The following MYO5B variants were observed in gnomAD, a reference collection of about 807,000 sequenced individuals.
MYO5B encodes the protein myosin VB.
In MYO5B, 143 loss-of-function variants were observed where a neutral mutation model predicts 229.3. That is an observed-to-expected ratio of 0.62 (90% confidence interval 0.54 to 0.72). The LOEUF (loss-of-function observed/expected upper bound fraction) is 0.72, where lower values mean the gene tolerates loss of function less well. Ranked by LOEUF, MYO5B falls within the 30% of genes least tolerant of loss-of-function variation. The pLI is 0.00. For missense variants in MYO5B, 2,321 were observed against 2,331.0 expected (o/e 1.00, Z 0.09); for synonymous variants, 918 against 885.2 (o/e 1.04, Z -0.66).
At chr18:49,921,698 A>C (rs2025077483) in intron 17 of MYO5B, among the ~76,000 whole-genome samples, 1 of 152,050 alleles carries the variant, frequency 6.6e-6, no homozygotes, top group Non-Finnish European at 1.5e-5. Context: ...GGATTTTATT[A>C]ATTTGGGGAA....
At chr18:50,177,252 C>T (rs1420118193) in intron 1 of MYO5B, among the ~76,000 whole-genome samples, 1 of 152,044 alleles carries the variant, frequency 6.6e-6, no homozygotes, top group East Asian at 1.9e-4. Context: ...GCAGAGGCAG[C>T]CCTGAAGATT....
At chr18:50,082,873 T>C (rs1599007624) in intron 1 of MYO5B, among the ~76,000 whole-genome samples, 1 of 152,192 alleles carries the variant, frequency 6.6e-6, no homozygotes, top group South Asian at 2.1e-4. Flanking sequence ...TGTGGGCTTC[T>C]TCCACCCAAG....
intron 22 of MYO5B, among the ~76,000 whole-genome samples, chr18:49,891,873 C>A (rs1008083950): frequency 1.3e-5 from 2 of 152,216 alleles, no homozygotes. Flanking sequence ...ACAACCCAGC[C>A]CCACTAGTCC....
At chr18:50,129,597 T>C (rs1008734135) in intron 1 of MYO5B, among the ~76,000 whole-genome samples, 1 of 152,170 alleles carries the variant, frequency 6.6e-6, no homozygotes, top group Admixed American at 6.5e-5. Context: ...TAGTAACTTC[T>C]TTAATTCCCA....
chr18:50,125,362 AC>A (rs756778404), intron 1 of MYO5B, among the ~76,000 whole-genome samples: 7 of 113,168 alleles, frequency 6.2e-5, no homozygotes, highest in Non-Finnish European at 1.2e-4. Flanking sequence ...CACACACCGG[AC>A]CCTGTTGTGG....
At chr18:50,034,997 C>G (rs1235107568) in intron 4 of MYO5B, among the ~76,000 whole-genome samples, 1 of 152,134 alleles carries the variant, frequency 6.6e-6, no homozygotes, top group Non-Finnish European at 1.5e-5. Context: ...TAGGGCAAGA[C>G]AGTATCACAC....
At chr18:50,122,584 G>A (rs897755183) in intron 1 of MYO5B, among the ~76,000 whole-genome samples, 1 of 117,934 alleles carries the variant, frequency 8.5e-6, no homozygotes. Flanking sequence ...GAGGGAGAGA[G>A]GAAGAGAGGG....
At chr18:50,034,654 G>A (rs1006428205) in intron 4 of MYO5B, among the ~76,000 whole-genome samples, 1 of 152,176 alleles carries the variant, frequency 6.6e-6, no homozygotes, top group Non-Finnish European at 1.5e-5. Context: ...TGAGGCAGGA[G>A]AATCACTTGA....
intron 1 of MYO5B, among the ~76,000 whole-genome samples, chr18:50,100,107 A>G (rs1356307964): frequency 6.6e-6 from 1 of 152,252 alleles, no homozygotes; most frequent in Non-Finnish European, 1.5e-5. Context: ...AGAACACTAT[A>G]AAGTCACATG....
At chr18:50,004,159 T>G (rs1442237033) in intron 4 of MYO5B, among the ~76,000 whole-genome samples, 1 of 152,054 alleles carries the variant, frequency 6.6e-6, no homozygotes, top group African/African-American at 2.4e-5. Flanking sequence ...GGAGAAAAAG[T>G]GGGCTCTTCT....
chr18:49,842,669 G>C (rs1015011311), intron 34 of MYO5B, among the ~76,000 whole-genome samples: 1 of 152,236 alleles, frequency 6.6e-6, no homozygotes, highest in African/African-American at 2.4e-5. Context: ...TGTTTCTGCA[G>C]TGGCTGCACT....
At chr18:50,049,338 T>C (rs1011325400) in intron 2 of MYO5B, among the ~76,000 whole-genome samples, 1 of 152,122 alleles carries the variant, frequency 6.6e-6, no homozygotes, top group African/African-American at 2.4e-5. Flanking sequence ...AGAAGAAAAG[T>C]CTATAAATGA....
intron 31 of MYO5B, 194 bp from the exon 32 acceptor site, chr18:49,849,854 G>A: frequency 3.1e-6 from 2 of 635,278 alleles, no homozygotes; most frequent in Non-Finnish European, 5.7e-6. Flanking sequence ...GGAAGTGGGA[G>A]ATGATGAGTC....
At chr18:49,994,681 C>T (rs912642641) in intron 5 of MYO5B, among the ~76,000 whole-genome samples, 2 of 152,128 alleles carry the variant, frequency 1.3e-5, no homozygotes, top group Admixed American at 6.5e-5. Context: ...CAACCAAAGG[C>T]GATGGGGACT....
intron 1 of MYO5B, among the ~76,000 whole-genome samples, chr18:50,188,232 C>T (rs550063710): frequency 6.6e-5 from 10 of 152,302 alleles, no homozygotes; most frequent in Non-Finnish European, 8.8e-5. Flanking sequence ...GAGAGAACAT[C>T]CTTCTTTACA....
intron 1 of MYO5B, among the ~76,000 whole-genome samples, chr18:50,122,085 C>G (rs539085330): frequency 2.6e-5 from 4 of 152,328 alleles, no homozygotes; most frequent in African/African-American, 9.6e-5. Context: ...ATAATTTAGT[C>G]TCAGTCTGTT....
chr18:49,963,407 A>T (rs1039372427), intron 10 of MYO5B, among the ~76,000 whole-genome samples: 154 of 148,554 alleles, frequency 1.0e-3, no homozygotes, highest in South Asian at 3.4e-3. Context: ...TAATTTAATT[A>T]ATTAATTAAT....
chr18:49,976,613 C>T (rs886432467), intron 9 of MYO5B, among the ~76,000 whole-genome samples: 26 of 152,302 alleles, frequency 1.7e-4, no homozygotes, highest in African/African-American at 6.3e-4. Flanking sequence ...AATCCGATGT[C>T]CCTTACTATT....
chr18:49,920,244 T>C (rs1324531665), intron 17 of MYO5B, among the ~76,000 whole-genome samples: 1 of 152,218 alleles, frequency 6.6e-6, no homozygotes, highest in Non-Finnish European at 1.5e-5. Context: ...TATAACTCTG[T>C]ATATAATGAA....
Sources: gnomAD v4.1 joint callset for allele counts (sites outside exome capture counted in the v4.1 genomes callset) on GRCh38, gnomAD v4.1.1 for gene constraint, MANE v1.5 for transcripts, NCBI Gene and HGNC (gene_info 2026-07-23, HGNC 2026-07-21) for gene names.